WDR19: variants seen among roughly 807,000 people sequenced by gnomAD.
WDR19 encodes the protein WD repeat-containing protein 19.
WDR19 carries 121 observed loss-of-function variants against 180.0 expected under a neutral mutation model. That is an observed-to-expected ratio of 0.67 (90% CI 0.58 to 0.78). WDR19 has a LOEUF of 0.78. WDR19 is among the 30% of genes least tolerant of loss of function. WDR19 has a pLI of 0.00. For missense variants in WDR19, 1,450 were observed against 1,640.7 expected (o/e 0.88, Z 2.01); for synonymous variants, 497 against 540.7 (o/e 0.92, Z 1.12).
rs192590599 is a variant in WDR19, at chr4:39,253,239, T to C, written c.2823T>C (p.Ala941=). 1.9e-6 allele frequency: 3 copies of C among 1,613,560 alleles called. No individual in the cohort carries two copies. Among genetic ancestry groups the C allele is most frequent in the Admixed American group, 1.7e-5 (1 of 59,962 alleles). The stretch of plus-strand genomic sequence containing the variant: ...ATCACCTCAATAATCCTGAAAAAGC[T>C]GTCAATATTGTTAGAGAGACCCAGT... ...YLDHLNNPEK[A]VNIVRETQSL... The change falls in exon 25 of 37, where the codon GCT becomes GCC. Residue 941 remains alanine, a synonymous_variant. Coordinates refer to ENST00000399820, the MANE Select transcript of WDR19 (RefSeq NM_025132.4).
In WDR19 at chr4:39,278,665, T is replaced by C; in HGVS notation, c.*13+2T>C. ...AGGAACTGTGATTGGCACGTGCAGG[T>C]GAGTGGCAGAGCGCCCACGCACCTT... is the stretch of plus-strand genomic sequence containing the variant. On this transcript the variant is annotated splice_donor_variant, in intron 36 of 36. Coordinates refer to ENST00000399820, the MANE Select transcript of WDR19 (RefSeq NM_025132.4). LOFTEE classifies it low-confidence loss of function (3UTR_SPLICE). 1 of 1,591,652 alleles carries C rather than the reference T, an allele frequency of 6.3e-7. No homozygotes were observed. The highest frequency in any genetic ancestry group is 1.3e-5 in the African/African-American group (1 of 74,486).
At chr4:39,199,352 A>C (rs568157299) in intron 5 of WDR19, 126 bp from the exon 6 acceptor site, 1 of 684,184 alleles carries the variant, frequency 1.5e-6, no homozygotes, top group South Asian at 1.9e-5. Context: ...GGTTGCGTAG[A>C]CATTAACTGC....
intron 29 of WDR19, 103 bp from the exon 30 acceptor site, chr4:39,267,892 C>A: frequency 9.6e-7 from 1 of 1,037,778 alleles, no homozygotes; most frequent in Non-Finnish European, 1.4e-6. Context: ...AATATCAATT[C>A]TCAGTTACTG....
intron 24 of WDR19, among the ~76,000 whole-genome samples, chr4:39,251,525 C>G (rs1474422568): frequency 6.6e-6 from 1 of 152,088 alleles, no homozygotes; most frequent in Non-Finnish European, 1.5e-5. Flanking sequence ...TCTAATTAAA[C>G]TAAAGAGCTT....
intron 30 of WDR19, among the ~76,000 whole-genome samples, chr4:39,269,510 T>G (rs1240563728): frequency 1.3e-5 from 2 of 152,164 alleles, no homozygotes; most frequent in East Asian, 3.8e-4. Context: ...CACCACCATT[T>G]TTCACCAGAG....
chr4:39,194,555 C>A lies in WDR19; in HGVS notation c.302C>A (p.Ser101Tyr), dbSNP rs1381726098. Reference protein sequence around the residue: ...QLDNGMRDQMSFLLWSKVGSF... With the variant: ...QLDNGMRDQMYFLLWSKVGSF... ...TCTTAATGTTACAGGGATCAAATGT[C>A]TTTCCTTCTTTGGTCAAAAGTTGGA... The change falls in exon 5 of 37, where the codon TCT (serine) becomes TAT (tyrosine). Residue 101 changes from serine (S) to tyrosine (Y), a missense_variant. Ser to Tyr is a moderately radical substitution (Grantham distance 144). Transcript: ENST00000399820. 2 of 1,610,384 alleles carry A rather than the reference C, an allele frequency of 1.2e-6. No individual in the cohort carries two copies. The highest frequency in any genetic ancestry group is 1.7e-6 in the Non-Finnish European group (2 of 1,177,652).
At chr4:39,283,358 T>G (rs1736769440) in intron 36 of WDR19, among the ~76,000 whole-genome samples, 1 of 150,510 alleles carries the variant, frequency 6.6e-6, no homozygotes, top group Non-Finnish European at 1.5e-5. Context: ...TCTGTGTTCA[T>G]GGGGGATACT....
chr4:39,198,607 T>C (rs1727037924), intron 5 of WDR19, among the ~76,000 whole-genome samples: 1 of 152,028 alleles, frequency 6.6e-6, no homozygotes, highest in Non-Finnish European at 1.5e-5. Flanking sequence ...GACTCGCGCC[T>C]GTAATCCCAG....
chr4:39,260,160 C>A lies in WDR19; in HGVS notation c.3183+2606C>A, dbSNP rs184412790. 1.5e-3 allele frequency among the ~76,000 whole-genome samples: 223 copies of A among 152,134 alleles called. 1 individual carries two copies. The highest frequency in any genetic ancestry group is 5.0e-3 in the African/African-American group (208 of 41,498). On this transcript the variant is annotated intron_variant, in intron 28 of 36. Coordinates refer to ENST00000399820, the MANE Select transcript of WDR19 (RefSeq NM_025132.4). ...GTCATTTATCCTGAGGAATTTCTGACATTTTGATTTAGCTAATTACATCCT... is the reference window on the plus strand; with the variant it reads ...GTCATTTATCCTGAGGAATTTCTGAAATTTTGATTTAGCTAATTACATCCT...
intron 14 of WDR19, among the ~76,000 whole-genome samples, chr4:39,221,570 G>T (rs1209820016): frequency 6.6e-6 from 1 of 152,154 alleles, no homozygotes; most frequent in East Asian, 1.9e-4. Context: ...CAGCACTTTG[G>T]GAGGCCAAGG....
chr4:39,245,328 A>G (rs1732408046), intron 23 of WDR19, 41 bp from the exon 24 acceptor site: 1 of 1,515,534 alleles, frequency 6.6e-7, no homozygotes, highest in African/African-American at 1.4e-5. Context: ...TTTTGGAGTG[A>G]ACACAGTACT....
chr4:39,224,845 C>T (rs775942455), intron 14 of WDR19, 39 bp from the exon 15 acceptor site: 55 of 1,455,274 alleles, frequency 3.8e-5, no homozygotes, highest in Admixed American at 8.4e-5. Context: ...CCTTGACTAC[C>T]TTTTATATTT....
At chr4:39,235,132 AT>A (rs916733546) in intron 20 of WDR19, among the ~76,000 whole-genome samples, 1 of 151,658 alleles carries the variant, frequency 6.6e-6, no homozygotes, top group Non-Finnish European at 1.5e-5. Context: ...TGTTATTATT[AT>A]TTTTTTTAAT....
At chr4:39,234,256 C>T (rs1344098015) in intron 19 of WDR19, among the ~76,000 whole-genome samples, 1 of 151,920 alleles carries the variant, frequency 6.6e-6, no homozygotes, top group Non-Finnish European at 1.5e-5. Context: ...AATTATGTAC[C>T]AGGCAGAGAA....
At position 39,186,528 on chromosome 4, in the gene WDR19, A is replaced by G. The variant is rs756899296; in HGVS notation, c.99-11A>G. On this transcript the variant is annotated splice_polypyrimidine_tract_variant and intron_variant, in intron 2 of 36. Coordinates refer to ENST00000399820, the MANE Select transcript of WDR19 (RefSeq NM_025132.4). ...AAGTAAATCATATCTTTATGTTCTGATTGCTTTCAGAGCTGATTATATTGT... is the reference window on the plus strand; with the variant it reads ...AAGTAAATCATATCTTTATGTTCTGGTTGCTTTCAGAGCTGATTATATTGT... The G allele has an allele frequency of 1.9e-6, 2 of 1,052,892 alleles. No homozygotes were observed. The highest frequency in any genetic ancestry group is 2.5e-4 in the Middle Eastern group (1 of 3,940). 65.2% of individuals were successfully genotyped at this position (1,052,892 alleles called of 1,614,324 possible). A position where few individuals can be genotyped will look rare whatever the true frequency, so the allele number is the denominator to read the frequency against.
chr4:39,221,934 A>G (rs1366418964), intron 14 of WDR19, among the ~76,000 whole-genome samples: 2 of 152,190 alleles, frequency 1.3e-5, no homozygotes, highest in African/African-American at 4.8e-5. Flanking sequence ...TGAACATTTG[A>G]GTTATTTCCA....
chr4:39,285,295 A>AGTC (rs1737079713), intron 36 of WDR19, among the ~76,000 whole-genome samples, 192 bp from the exon 37 acceptor site: 1 of 152,234 alleles, frequency 6.6e-6, no homozygotes, highest in African/African-American at 2.4e-5. Flanking sequence ...ACACAATTTT[A>AGTC]GTCAGTTGGC....
Position 39,195,692 on chromosome 4 carries a change from C to T in WDR19, c.406+1033C>T, listed in dbSNP as rs147596814. ...TAGAACCTAGTGGGCTTAATTGCAT[C>T]CAGGTGGCCAGGAAAAGTATAACTT... On this transcript the variant is annotated intron_variant, in intron 5 of 36. Transcript: ENST00000399820. 3.3e-5 allele frequency among the ~76,000 whole-genome samples: 5 copies of T among 152,252 alleles called. No individual in the cohort carries two copies. In the East Asian group the frequency reaches 7.7e-4, roughly 24 times the overall value.
At chr4:39,190,691 G>A (rs1726061871) in intron 4 of WDR19, among the ~76,000 whole-genome samples, 1 of 152,214 alleles carries the variant, frequency 6.6e-6, no homozygotes, top group Admixed American at 6.5e-5. Flanking sequence ...ATACAACCTA[G>A]TGAGTGTAGT....
Sources: allele counts gnomAD v4.1 joint callset (sites outside exome capture counted in the v4.1 genomes callset), GRCh38; gene constraint gnomAD v4.1.1; transcripts MANE v1.5; gene names NCBI Gene and HGNC (gene_info 2026-07-23, HGNC 2026-07-21).